Variants in ASCC1 observed in about 807,000 individuals in gnomAD.
ASCC1 encodes activating signal cointegrator 1 complex subunit 1.
Under a neutral mutation model 46.6 loss-of-function variants are expected in ASCC1, and 35 were observed. That is an observed-to-expected ratio of 0.75 (90% CI 0.57 to 0.99). The LOEUF is 0.99. ASCC1 is among the 50% of genes least tolerant of loss of function. ASCC1 has a pLI of 0.00. For missense variants in ASCC1, 376 were observed against 428.7 expected, an observed-to-expected ratio of 0.88 and a Z score of 1.09; for synonymous variants, 143 against 146.6, an observed-to-expected ratio of 0.98 and a Z score of 0.18.
At chr10:72,128,485 T>A (rs974019140) in intron 8 of ASCC1, among the ~76,000 whole-genome samples, 1 of 152,238 alleles carries the variant, frequency 6.6e-6, no homozygotes, top group Non-Finnish European at 1.5e-5. Context: ...TAGTTCCTCA[T>A]TGACAAAGTG....
In ASCC1 at chr10:72,152,991, G is replaced by A. The variant is rs746457526; in HGVS notation, c.627-3C>T. The A allele has an allele frequency of 4.3e-6, 7 of 1,613,946 alleles. No individual in the cohort carries two copies. In the Admixed American group the frequency reaches 1.2e-4, roughly 27 times the overall value. Reference sequence around the variant, plus strand: ...GGGGTTTACCCCCAGAAATATCACTGCAAAGGAAAAAGCATTAAGATATCT... The same window carrying A: ...GGGGTTTACCCCCAGAAATATCACTACAAAGGAAAAAGCATTAAGATATCT... On this transcript the variant is annotated splice_region_variant and splice_polypyrimidine_tract_variant and intron_variant, in intron 6 of 9. Coordinates refer to ENST00000672957, the MANE Select transcript of ASCC1 (RefSeq NM_001198800.3).
chr10:72,117,626 G>T (rs1052683758), intron 9 of ASCC1, among the ~76,000 whole-genome samples: 6 of 152,072 alleles, frequency 3.9e-5, no homozygotes, highest in African/African-American at 1.4e-4. Context: ...TTCTCTAATT[G>T]ATCCTTTTAA....
At chr10:72,201,053 G>A (rs1361918637) in intron 4 of ASCC1, among the ~76,000 whole-genome samples, 1 of 152,176 alleles carries the variant, frequency 6.6e-6, no homozygotes, top group African/African-American at 2.4e-5. Flanking sequence ...TACACTGCAT[G>A]GATATAGAAC....
intron 7 of ASCC1, among the ~76,000 whole-genome samples, chr10:72,143,974 T>C (rs879841133): frequency 3.3e-5 from 5 of 151,996 alleles, no homozygotes; most frequent in Non-Finnish European, 7.4e-5. Flanking sequence ...TCTCTATTGC[T>C]AATAATGCAT....
rs1849679631 is a variant in ASCC1 at position 72,161,421 on chromosome 10, C to T, written c.626+117G>A. The T allele has an allele frequency of 7.4e-6, 10 of 1,349,666 alleles. No homozygotes were observed. The South Asian group carries it at 1.2e-4, about 16-fold the overall frequency. 83.6% of individuals were successfully genotyped at this position (1,349,666 alleles called of 1,614,324 possible). On this transcript the variant is annotated intron_variant, in intron 6 of 9. Coordinates refer to ENST00000672957, the MANE Select transcript of ASCC1 (RefSeq NM_001198800.3). ...CCTGTATTGCCTGAGTGGGCTCCAT[C>T]AAATCACATGAGTCCTTCCCATGTT... is the stretch of plus-strand genomic sequence containing the variant.
At chr10:72,189,889 G>T in intron 5 of ASCC1, 1 of 620,084 alleles carries the variant, frequency 1.6e-6, no homozygotes, top group Non-Finnish European at 2.9e-6. Flanking sequence ...TTCACTATAA[G>T]ATTAAGAAAG....
At chr10:72,111,216 G>T (rs907749224) in intron 9 of ASCC1, among the ~76,000 whole-genome samples, 2 of 152,106 alleles carry the variant, frequency 1.3e-5, no homozygotes, top group African/African-American at 4.8e-5. Flanking sequence ...GGCCAGGCGT[G>T]GTGGCTCATG....
At chr10:72,114,926 TG>T (rs2132062552) in intron 9 of ASCC1, among the ~76,000 whole-genome samples, 1 of 152,316 alleles carries the variant, frequency 6.6e-6, no homozygotes, top group African/African-American at 2.4e-5. Context: ...GTAAATGAGC[TG>T]AGCTGTGTTT....
intron 5 of ASCC1, among the ~76,000 whole-genome samples, chr10:72,177,853 T>C (rs912768980): frequency 6.6e-6 from 1 of 152,194 alleles, no homozygotes; most frequent in African/African-American, 2.4e-5. Flanking sequence ...ATCACACAGA[T>C]GAAGAATACC....
In ASCC1 at chr10:72,111,040, C is replaced by T. The variant is rs367564855; in HGVS notation, c.958-13590G>A. 2.7e-4 allele frequency among the ~76,000 whole-genome samples: 41 copies of T among 152,320 alleles called. No individual in the cohort carries two copies. The South Asian group carries it at 8.5e-3, about 32-fold the overall frequency. On this transcript the variant is annotated intron_variant, in intron 9 of 9. Coordinates refer to ENST00000672957, the MANE Select transcript of ASCC1 (RefSeq NM_001198800.3). Reference sequence around the variant, plus strand: ...AGTAGCACCACTGTAACTTTATAGACTCTAACACACACTTTTCTATAATCT... The same window carrying T: ...AGTAGCACCACTGTAACTTTATAGATTCTAACACACACTTTTCTATAATCT...
At chr10:72,215,956 T>G (rs945713135) in intron 1 of ASCC1, 1 of 152,460 alleles carries the variant, frequency 6.6e-6, no homozygotes, top group African/African-American at 2.4e-5. Context: ...GCGCGTTCTC[T>G]GCTCCCCTCC....
chr10:72,125,937 AG>A (rs1196904758), intron 9 of ASCC1, among the ~76,000 whole-genome samples: 1 of 152,190 alleles, frequency 6.6e-6, no homozygotes, highest in Admixed American at 6.5e-5. Context: ...GATGGTATAT[AG>A]TCAATAAGTA....
At chr10:72,138,558 T>C (rs1214529005) in intron 7 of ASCC1, among the ~76,000 whole-genome samples, 2 of 151,852 alleles carry the variant, frequency 1.3e-5, no homozygotes, top group African/African-American at 2.4e-5. Context: ...AGAATCCAAG[T>C]CTACAGGCAG....
intron 5 of ASCC1, among the ~76,000 whole-genome samples, chr10:72,182,954 T>A (rs1304160537): frequency 6.6e-6 from 1 of 151,932 alleles, no homozygotes; most frequent in Non-Finnish European, 1.5e-5. Flanking sequence ...TTATGGTATA[T>A]TCCTTATACT....
intron 9 of ASCC1, among the ~76,000 whole-genome samples, chr10:72,109,783 T>C (rs766143750): frequency 1.3e-5 from 2 of 152,008 alleles, no homozygotes; most frequent in African/African-American, 2.4e-5. Context: ...TTTTGAAAAA[T>C]AGTAAGAAAA....
chr10:72,160,698 C>T (rs148200730), intron 6 of ASCC1, among the ~76,000 whole-genome samples: 3 of 147,028 alleles, frequency 2.0e-5, no homozygotes, highest in African/African-American at 7.5e-5. Flanking sequence ...GACCCCGTCC[C>T]TAAAAAAAAT....
At chr10:72,143,471 G>C (rs1041336354) in intron 7 of ASCC1, among the ~76,000 whole-genome samples, 1 of 151,480 alleles carries the variant, frequency 6.6e-6, no homozygotes, top group Non-Finnish European at 1.5e-5. Flanking sequence ...TCAAGTAGCT[G>C]GGATTACAGA....
intron 5 of ASCC1, among the ~76,000 whole-genome samples, chr10:72,193,161 A>G (rs1043044531): frequency 1.8e-4 from 28 of 152,218 alleles, no homozygotes; most frequent in African/African-American, 6.8e-4. Flanking sequence ...ATGAAAACTT[A>G]GGTTCGCACA....
chr10:72,120,914 T>C (rs927294525), intron 9 of ASCC1, among the ~76,000 whole-genome samples: 6 of 151,510 alleles, frequency 4.0e-5, no homozygotes, highest in African/African-American at 1.5e-4. Flanking sequence ...AATGCTCAAA[T>C]AAACCAAAAA....
Sources: allele counts gnomAD v4.1 joint callset (sites outside exome capture counted in the v4.1 genomes callset), GRCh38; gene constraint gnomAD v4.1.1; transcripts MANE v1.5; gene names NCBI Gene and HGNC (gene_info 2026-07-23, HGNC 2026-07-21).